Variants in ACTN2 observed in about 807,000 individuals in gnomAD.
ACTN2 encodes the protein actinin alpha 2, also known as alpha-actinin-2.
In ACTN2, 39 loss-of-function variants were observed where a neutral mutation model predicts 113.8. The ratio of observed to expected loss-of-function variants is 0.34; its 90% CI spans 0.27 to 0.45. The LOEUF is 0.45. Among genes scored for constraint, ACTN2 ranks in the 20% least tolerant of loss-of-function variants. The pLI is 1.00. For synonymous variants in ACTN2, 429 were observed against 444.1 expected, an observed-to-expected ratio of 0.97 and a Z score of 0.43; for missense variants, 992 against 1,177.9, an observed-to-expected ratio of 0.84 and a Z score of 2.31.
intron 1 of ACTN2, among the ~76,000 whole-genome samples, chr1:236,705,221 A>ATAT (rs1437436860): frequency 2.6e-5 from 4 of 151,600 alleles, no homozygotes; most frequent in Admixed American, 1.3e-4. Context: ...TATATATATA[A>ATAT]AAAATATCAC....
At chr1:236,722,477 A>G (rs1419368601) in intron 4 of ACTN2, among the ~76,000 whole-genome samples, 1 of 152,020 alleles carries the variant, frequency 6.6e-6, no homozygotes, top group Non-Finnish European at 1.5e-5. Context: ...TCTACTAAAA[A>G]TACAAAAATT....
chr1:236,748,114 A>G, intron 13 of ACTN2: 1 of 331,176 alleles, frequency 3.0e-6, no homozygotes, highest in Non-Finnish European at 5.8e-6. Context: ...TCGGGAAATC[A>G]GAGATGTGCA....
intron 1 of ACTN2, among the ~76,000 whole-genome samples, chr1:236,708,158 A>G (rs1052736227): frequency 1.3e-5 from 2 of 152,052 alleles, no homozygotes; most frequent in African/African-American, 4.8e-5. Flanking sequence ...GTTGCATACC[A>G]TGTTATCTAA....
chr1:236,757,178 G>C lies in ACTN2; in HGVS notation c.2155-308G>C, dbSNP rs1347850098. Reference sequence around the variant, plus strand: ...ATACTACAGAGTGCCCGCTGCCACTGTTAGAACCCTGGTAATAGAGTATAT... The same window carrying C: ...ATACTACAGAGTGCCCGCTGCCACTCTTAGAACCCTGGTAATAGAGTATAT... On this transcript the variant is annotated intron_variant, in intron 17 of 20. Coordinates refer to ENST00000366578, the MANE Select transcript of ACTN2 (RefSeq NM_001103.4). Among the ~76,000 whole-genome samples, 3 of 73,760 alleles carry C rather than the reference G, an allele frequency of 4.1e-5. 1 individual carries two copies. In the Admixed American group the frequency reaches 4.6e-4, roughly 11 times the overall value. The allele number at this position is 73,760 out of a possible 152,430, so 48.4% of individuals were successfully genotyped here.
intron 6 of ACTN2, among the ~76,000 whole-genome samples, chr1:236,728,527 C>T (rs572559826): frequency 1.3e-5 from 2 of 152,128 alleles, no homozygotes; most frequent in Admixed American, 6.5e-5. Flanking sequence ...TTGATTAACT[C>T]GTCCGTCACA....
intron 11 of ACTN2, among the ~76,000 whole-genome samples, chr1:236,743,480 A>G (rs1290810703): frequency 6.6e-6 from 1 of 152,184 alleles, no homozygotes; most frequent in African/African-American, 2.4e-5. Context: ...GATATCATGT[A>G]TAATCTAACT....
chr1:236,711,745 C>A (rs2102884118), intron 1 of ACTN2, among the ~76,000 whole-genome samples: 1 of 152,212 alleles, frequency 6.6e-6, no homozygotes, highest in South Asian at 2.1e-4. Context: ...TTTTTATGTG[C>A]CTACTTTTTG....
chr1:236,716,933 C>T (rs1395502271), intron 1 of ACTN2, among the ~76,000 whole-genome samples: 2 of 146,594 alleles, frequency 1.4e-5, no homozygotes, highest in Non-Finnish European at 3.0e-5. Context: ...CTCCTGGTTT[C>T]AAGCTACTTC....
intron 18 of ACTN2, among the ~76,000 whole-genome samples, chr1:236,758,642 G>A (rs1412794486): frequency 6.9e-6 from 1 of 144,254 alleles, no homozygotes; most frequent in African/African-American, 2.7e-5. Flanking sequence ...TTTTTGAGAT[G>A]GAGTTGTGCT....
intron 15 of ACTN2, 41 bp downstream of exon 15, chr1:236,751,693 TTGAAGCTGACGTCGAAGGA>T (rs1659401501): frequency 6.2e-7 from 1 of 1,612,862 alleles, no homozygotes; most frequent in East Asian, 2.2e-5. Context: ...GGGGGCATTC[TTGAAGCTGACGTCGAAGGA>T]GGAAGTTAAC....
intron 1 of ACTN2, among the ~76,000 whole-genome samples, chr1:236,694,139 T>G (rs530454695): frequency 3.0e-4 from 45 of 152,246 alleles, no homozygotes; most frequent in Non-Finnish European, 6.5e-4. Flanking sequence ...ACAAGGGCTA[T>G]GAGCAGTAGC....
intron 1 of ACTN2, among the ~76,000 whole-genome samples, chr1:236,715,199 C>T (rs373370008): frequency 2.0e-5 from 3 of 149,974 alleles, no homozygotes; most frequent in South Asian, 4.2e-4. Flanking sequence ...GGTACATGTG[C>T]ACAACGTGTA....
intron 1 of ACTN2, among the ~76,000 whole-genome samples, chr1:236,713,671 AT>A (rs1658123004): frequency 2.2e-5 from 3 of 139,120 alleles, no homozygotes; most frequent in East Asian, 2.2e-4. Context: ...CTGTGTGTTT[AT>A]GTATACACAG....
chr1:236,724,227 G>A (rs1658481247), intron 4 of ACTN2, among the ~76,000 whole-genome samples: 1 of 152,102 alleles, frequency 6.6e-6, no homozygotes, highest in African/African-American at 2.4e-5. Context: ...AGGCTCCCTG[G>A]TGTCTCTCTC....
rs1659490431 is a variant in ACTN2, at chr1:236,754,355, A to G, written c.1974+274A>G. ...TTATTTTCTCACTAAAAATGGTGAC[A>G]GGGCTTTCTCCGTTTTTGGCCTCTG... On this transcript the variant is annotated intron_variant, in intron 16 of 20. Transcript: ENST00000366578. This position sits in a 1 kb window ranked among gnomAD's most constrained non-coding sequence, Gnocchi z 4.9. 1.3e-5 allele frequency among the ~76,000 whole-genome samples: 2 copies of G among 152,230 alleles called. No homozygotes were observed. The highest frequency in any genetic ancestry group is 4.1e-4 in the South Asian group (2 of 4,830).
intron 10 of ACTN2, among the ~76,000 whole-genome samples, chr1:236,742,318 A>T (rs1426976157): frequency 1.3e-5 from 2 of 151,912 alleles, no homozygotes. Context: ...ACCCTTACAG[A>T]GTTTCTCACT....
intron 1 of ACTN2, among the ~76,000 whole-genome samples, chr1:236,693,683 AG>A (rs1657371072): frequency 6.6e-6 from 1 of 152,090 alleles, no homozygotes; most frequent in Admixed American, 6.6e-5. Flanking sequence ...CAAGGCCTTC[AG>A]GCTTTCCACC....
chr1:236,717,610 G>C (rs189786851), intron 1 of ACTN2, among the ~76,000 whole-genome samples: 33 of 152,258 alleles, frequency 2.2e-4, no homozygotes, highest in Non-Finnish European at 2.5e-4. Context: ...CTTTTTAAAT[G>C]GAAGGCAAAA....
intron 1 of ACTN2, among the ~76,000 whole-genome samples, chr1:236,717,422 G>A (rs1658253210): frequency 6.6e-6 from 1 of 152,156 alleles, no homozygotes; most frequent in Non-Finnish European, 1.5e-5. Flanking sequence ...GGGTGACAGA[G>A]CTGGATGACC....
Sources: gnomAD v4.1 joint callset for allele counts (sites outside exome capture counted in the v4.1 genomes callset) on GRCh38, gnomAD v4.1.1 for gene constraint, Gnocchi (gnomAD v3.1) non-coding constraint, MANE v1.5 for transcripts, NCBI Gene and HGNC (gene_info 2026-07-23, HGNC 2026-07-21) for gene names.